Variants in CXADR observed in about 807,000 individuals in gnomAD.
The protein encoded by CXADR is CXADR cell adhesion molecule, also known as coxsackievirus and adenovirus receptor.
A neutral mutation model predicts 40.3 loss-of-function variants in CXADR; 20 were observed. The observed-to-expected ratio is 0.50, with a 90% confidence interval of 0.35 to 0.72. The LOEUF is 0.72. Ranked by LOEUF, CXADR falls within the 30% of genes least tolerant of loss-of-function variation. CXADR has a pLI of 0.01. For synonymous variants in CXADR, 150 were observed against 161.3 expected (o/e 0.93, Z 0.53); for missense variants, 332 against 449.1 (o/e 0.74, Z 2.36).
chr21:17,521,587 T>C (rs2060531239), intron 1 of CXADR, among the ~76,000 whole-genome samples: 1 of 152,150 alleles, frequency 6.6e-6, no homozygotes, highest in Non-Finnish European at 1.5e-5. Context: ...CTTCCCAAAG[T>C]GCTGGGATTA....
intron 1 of CXADR, among the ~76,000 whole-genome samples, chr21:17,526,516 A>T (rs906821903): frequency 6.6e-6 from 1 of 152,204 alleles, no homozygotes; most frequent in Non-Finnish European, 1.5e-5. Flanking sequence ...TAGGTGGGGA[A>T]ATAAATGCAT....
At chr21:17,579,475 G>A (rs564162973) in intron 7 of CXADR, among the ~76,000 whole-genome samples, 9 of 152,120 alleles carry the variant, frequency 5.9e-5, no homozygotes, top group Admixed American at 3.9e-4. Flanking sequence ...TAGTAGAGAC[G>A]GGGTTTCACA....
downstream of CXADR, among the ~76,000 whole-genome samples, chr21:17,572,703 A>G (rs535759182): frequency 6.6e-6 from 1 of 152,246 alleles, no homozygotes; most frequent in African/African-American, 2.4e-5. Flanking sequence ...GGCACTAACT[A>G]ACGTTGTTTT....
chr21:17,580,236 T>G (rs1239935454), intron 7 of CXADR, among the ~76,000 whole-genome samples: 1 of 152,204 alleles, frequency 6.6e-6, no homozygotes, highest in Non-Finnish European at 1.5e-5. Flanking sequence ...TAGACAAGAG[T>G]TGGCGAAAAC....
At chr21:17,633,661 T>C in the CXADR span, among the ~76,000 whole-genome samples, 1 of 152,248 alleles carries the variant, frequency 6.6e-6, no homozygotes, top group Non-Finnish European at 1.5e-5. Context: ...TAGACAGCCT[T>C]TGTTCACAGT....
the CXADR span, chr21:17,598,771 T>C: frequency 1.6e-5 from 26 of 1,614,068 alleles, no homozygotes; most frequent in African/African-American, 2.9e-4. Flanking sequence ...ATCCTTGTTC[T>C]CATCTTTATT....
intron 3 of CXADR, among the ~76,000 whole-genome samples, chr21:17,555,419 C>T (rs1357282827): frequency 6.6e-6 from 1 of 152,172 alleles, no homozygotes; most frequent in South Asian, 2.1e-4. Context: ...TGCAAAAATA[C>T]AAGGAAGTTT....
the CXADR span, among the ~76,000 whole-genome samples, chr21:17,616,427 C>T: frequency 1.3e-5 from 2 of 150,522 alleles, no homozygotes; most frequent in Non-Finnish European, 1.5e-5. Flanking sequence ...GCTCCGCCTG[C>T]CAGGTTCACG....
At chr21:17,589,000 TTTG>T (rs1185555200) in intron 7 of CXADR, among the ~76,000 whole-genome samples, 1 of 152,058 alleles carries the variant, frequency 6.6e-6, no homozygotes, top group Non-Finnish European at 1.5e-5. Flanking sequence ...CTCACTCCTT[TTTG>T]TTGTTGTTAA....
At chr21:17,525,084 T>C (rs761002439) in intron 1 of CXADR, among the ~76,000 whole-genome samples, 1 of 152,116 alleles carries the variant, frequency 6.6e-6, no homozygotes, top group Non-Finnish European at 1.5e-5. Flanking sequence ...ATTTTTAGGG[T>C]AAGTGTGAGA....
chr21:17,625,808 C>A, the CXADR span, among the ~76,000 whole-genome samples: 1 of 152,208 alleles, frequency 6.6e-6, no homozygotes, highest in African/African-American at 2.4e-5. Context: ...AGATATCAAT[C>A]CCCTCAGAGT....
chr21:17,548,541 G>A (rs2060927334), intron 2 of CXADR, among the ~76,000 whole-genome samples: 1 of 152,196 alleles, frequency 6.6e-6, no homozygotes, highest in African/African-American at 2.4e-5. Context: ...GCTCCTGTCT[G>A]AGGTCCTGCA....
In CXADR at chr21:17,547,254, T is replaced by C. The variant is rs1437721495; in HGVS notation, c.210+61T>C. The C allele has an allele frequency of 3.1e-6, 5 of 1,600,526 alleles. No homozygotes were observed. The Admixed American group carries it at 8.4e-5, about 27-fold the overall frequency. On this transcript the variant is annotated intron_variant, in intron 2 of 6. Coordinates refer to ENST00000284878, the MANE Select transcript of CXADR (RefSeq NM_001338.5). ...TCTGTGCAACTATCTGATGTGTCCA[T>C]CACCTTGCCAGTCACATGGATGGGC...
chr21:17,545,233 A>G (rs1470637403), intron 1 of CXADR, among the ~76,000 whole-genome samples: 1 of 151,934 alleles, frequency 6.6e-6, no homozygotes, highest in African/African-American at 2.4e-5. Context: ...AGGTCCAAAT[A>G]GAGTTGCTCT....
intron 7 of CXADR, among the ~76,000 whole-genome samples, chr21:17,592,061 T>C (rs780764485): frequency 1.3e-5 from 2 of 151,974 alleles, no homozygotes; most frequent in South Asian, 4.1e-4. Flanking sequence ...CTGTATGCAG[T>C]TGAATTCAAA....
the CXADR span, among the ~76,000 whole-genome samples, chr21:17,609,468 T>C: frequency 6.6e-6 from 1 of 152,218 alleles, no homozygotes; most frequent in Non-Finnish European, 1.5e-5. Flanking sequence ...TGATACGACA[T>C]AGATGTTACT....
At chr21:17,550,903 T>G (rs2060958948) in intron 2 of CXADR, among the ~76,000 whole-genome samples, 1 of 152,196 alleles carries the variant, frequency 6.6e-6, no homozygotes, top group Admixed American at 6.5e-5. Flanking sequence ...CTTAAGAGGT[T>G]TATTTTATGA....
intron 7 of CXADR, among the ~76,000 whole-genome samples, chr21:17,588,288 G>A (rs892816290): frequency 7.2e-5 from 11 of 152,208 alleles, no homozygotes; most frequent in African/African-American, 2.4e-4. Flanking sequence ...TTGGTAGCTT[G>A]ATGGGGATGG....
At position 17,576,501 on chromosome 21, in the gene CXADR, G is replaced by A. The variant is rs371120705; in HGVS notation, c.1017+10890G>A. 3.9e-4 allele frequency among the ~76,000 whole-genome samples: 59 copies of A among 152,218 alleles called. No individual in the cohort carries two copies. In the South Asian group the frequency reaches 0.011, roughly 29 times the overall value. ...CAGTTAAGTGTTAGCTTTTAGCATC[G>A]TTATTATTCTTGTATTATACTAGTA... On this transcript the variant is annotated intron_variant, in intron 7 of 7. Coordinates refer to the CXADR transcript ENST00000400169.
Sources: gnomAD v4.1 joint callset for allele counts (sites outside exome capture counted in the v4.1 genomes callset) on GRCh38, gnomAD v4.1.1 for gene constraint, MANE v1.5 for transcripts, NCBI Gene and HGNC (gene_info 2026-07-23, HGNC 2026-07-21) for gene names.